Variants in DIO1 observed in about 807,000 individuals in gnomAD.
DIO1 encodes iodothyronine deiodinase 1, also known as type I iodothyronine deiodinase.
A neutral mutation model predicts 25.9 loss-of-function variants in DIO1; 17 were observed. That is an observed-to-expected ratio of 0.66 (90% confidence interval 0.45 to 0.98). The LOEUF (loss-of-function observed/expected upper bound fraction) is 0.98, where lower values mean the gene tolerates loss of function less well. Among genes scored for constraint, DIO1 ranks in the 50% least tolerant of loss-of-function variants. DIO1 has a pLI of 0.00. For missense variants in DIO1, 270 were observed against 310.4 expected (o/e 0.87, Z 0.98); for synonymous variants, 115 against 114.0 (o/e 1.01, Z -0.05).
At position 53,894,985 on chromosome 1, in the gene DIO1, G is replaced by T. The variant is rs1421391005; in HGVS notation, c.337+438G>T. 1.3e-5 allele frequency among the ~76,000 whole-genome samples: 2 copies of T among 152,156 alleles called. No homozygotes were observed. Among genetic ancestry groups the T allele is most frequent in the African/African-American group, 4.8e-5 (2 of 41,434 alleles). The stretch of plus-strand genomic sequence containing the variant: ...ACTTTTCTTTATTACACCTGTCGCG[G>T]TTTGTAATTATGTACGGCTGGCTAG... On this transcript the variant is annotated intron_variant, in intron 1 of 3. Coordinates refer to ENST00000361921, the MANE Select transcript of DIO1 (RefSeq NM_000792.7). This position sits in a 1 kb window ranked among gnomAD's most constrained non-coding sequence, Gnocchi z 4.9.
rs554046743 is a variant in DIO1, at chr1:53,906,662, CT to C, written c.681+380del. 7.2e-3 allele frequency among the ~76,000 whole-genome samples: 1,040 copies of C among 144,142 alleles called. 9 individuals carry two copies. The highest frequency in any genetic ancestry group is 0.022 in the African/African-American group (853 of 38,732). 94.6% of individuals were successfully genotyped at this position (144,142 alleles called of 152,430 possible). A position where few individuals can be genotyped will look rare whatever the true frequency, so the allele number is the denominator to read the frequency against. ...CTCTGTTTTTTGGGTTTCTTTCTTT[CT>C]TTTTTTTTTTTGAGACAGACTCTCA... On this transcript the variant is annotated intron_variant, in intron 3 of 3. Transcript: ENST00000361921.
At position 53,894,596 on chromosome 1, in the gene DIO1, G is replaced by C. The variant is rs374748978; in HGVS notation, c.337+49G>C. The C allele has an allele frequency of 2.3e-5, 35 of 1,525,728 alleles. No homozygotes were observed. The highest frequency in any genetic ancestry group is 2.9e-5 in the Non-Finnish European group (33 of 1,125,720). 94.5% of individuals were successfully genotyped at this position (1,525,728 alleles called of 1,614,324 possible). A position where few individuals can be genotyped will look rare whatever the true frequency, so the allele number is the denominator to read the frequency against. Reference sequence around the variant, plus strand: ...AGGGGTGCTTGAAATAGCAGTGGTAGAGGGGGATGAAGAGATGGGTTGGAA... The same window carrying C: ...AGGGGTGCTTGAAATAGCAGTGGTACAGGGGGATGAAGAGATGGGTTGGAA... On this transcript the variant is annotated intron_variant, in intron 1 of 3. Coordinates refer to ENST00000361921, the MANE Select transcript of DIO1 (RefSeq NM_000792.7). The surrounding 1 kb of genome is among the most constrained non-coding windows in gnomAD (Gnocchi z 4.9).
chr1:53,908,499 C>A (rs1249865905), intron 3 of DIO1, among the ~76,000 whole-genome samples: 1 of 152,176 alleles, frequency 6.6e-6, no homozygotes, highest in Non-Finnish European at 1.5e-5. Context: ...TCAGGACTAA[C>A]CTGGCTCTCA....
At chr1:53,902,377 G>A (rs1371679968) in intron 1 of DIO1, among the ~76,000 whole-genome samples, 1 of 151,816 alleles carries the variant, frequency 6.6e-6, no homozygotes, top group Admixed American at 6.6e-5. Flanking sequence ...ACTTCAAACT[G>A]CACACAGCCA....
At position 53,905,830 on chromosome 1, in the gene DIO1, T is replaced by C. The variant is rs137862553; in HGVS notation, c.482-265T>C. Among the ~76,000 whole-genome samples the C allele has an allele frequency of 7.9e-4, 121 of 152,362 alleles. 1 individual carries two copies. Among genetic ancestry groups the C allele is most frequent in the African/African-American group, 2.8e-3 (115 of 41,584 alleles). On this transcript the variant is annotated intron_variant, in intron 2 of 3. Coordinates refer to ENST00000361921, the MANE Select transcript of DIO1 (RefSeq NM_000792.7). ...TATAACAAGGTCCCCAAATGATTCATGCACATTCAAGATCAAGGAGTGCTG... is the reference window on the plus strand; with the variant it reads ...TATAACAAGGTCCCCAAATGATTCACGCACATTCAAGATCAAGGAGTGCTG...
intron 1 of DIO1, among the ~76,000 whole-genome samples, chr1:53,900,711 G>A (rs1651313891): frequency 6.6e-6 from 1 of 152,150 alleles, no homozygotes. Flanking sequence ...TAAACCACAT[G>A]TAAGTTAAGA....
At chr1:53,897,897 G>A (rs1289875538) in intron 1 of DIO1, among the ~76,000 whole-genome samples, 1 of 152,142 alleles carries the variant, frequency 6.6e-6, no homozygotes, top group Non-Finnish European at 1.5e-5. Context: ...AATGGTAAGA[G>A]GAGGGGACTG....
In DIO1 at chr1:53,910,145, C is replaced by T. The variant is rs1569749057; in HGVS notation, c.*146C>T. 1 of 684,678 alleles carries T rather than the reference C, an allele frequency of 1.5e-6. No homozygotes were observed. Among genetic ancestry groups the T allele is most frequent in the Non-Finnish European group, 2.6e-6 (1 of 384,430 alleles). The allele number at this position is 684,678 out of a possible 1,614,324, so 42.4% of individuals were successfully genotyped here. Reference sequence around the variant, plus strand: ...TTTTTCTGATCTAAGCAAACAACTCCCAGCTGAGGAATGCAGGCCACAGCA... The same window carrying T: ...TTTTTCTGATCTAAGCAAACAACTCTCAGCTGAGGAATGCAGGCCACAGCA... On this transcript the variant is annotated 3_prime_UTR_variant, in exon 4 of 4. Coordinates refer to ENST00000361921, the MANE Select transcript of DIO1 (RefSeq NM_000792.7).
chr1:53,896,778 G>A (rs1291420865), intron 1 of DIO1, among the ~76,000 whole-genome samples: 1 of 152,152 alleles, frequency 6.6e-6, no homozygotes, highest in Non-Finnish European at 1.5e-5. Context: ...CTTTTGCCTG[G>A]AGGACTTGGA....
chr1:53,899,438 G>T (rs1427226551), intron 1 of DIO1, among the ~76,000 whole-genome samples: 1 of 152,162 alleles, frequency 6.6e-6, no homozygotes, highest in African/African-American at 2.4e-5. Flanking sequence ...CATGGGCAGG[G>T]TGCCAGCCCC....
Position 53,904,751 on chromosome 1 carries a change from A to C in DIO1, c.423A>C (p.Glu141Asp), listed in dbSNP as rs763387241. Residue 141 changes from glutamate to aspartate, a missense_variant, in exon 2 of 4, where the codon GAA becomes GAC. Glu to Asp is a conservative substitution (Grantham distance 45). Transcript: ENST00000361921. The stretch of plus-strand genomic sequence containing the variant: ...TTGACCAGTTCAAGAGGCTTATTGA[A>C]GACTTTAGTTCCATAGCAGATTTTC... ...FKFDQFKRLI[E>D]DFSSIADFLV... The C allele has an allele frequency of 1.1e-5, 17 of 1,613,844 alleles. No individual in the cohort carries two copies. The highest frequency in any genetic ancestry group is 1.4e-5 in the Non-Finnish European group (16 of 1,179,886).
At chr1:53,897,540 G>A (rs1332046354) in intron 1 of DIO1, among the ~76,000 whole-genome samples, 2 of 152,148 alleles carry the variant, frequency 1.3e-5, no homozygotes, top group Admixed American at 6.5e-5. Flanking sequence ...GCTCCCTGCT[G>A]CTGCAGCTGA....
intron 1 of DIO1, among the ~76,000 whole-genome samples, chr1:53,904,313 A>T (rs927361260): frequency 1.1e-4 from 16 of 152,096 alleles, no homozygotes; most frequent in South Asian, 2.1e-4. Flanking sequence ...AATGGGGGGA[A>T]AAAATGACCA....
intron 3 of DIO1, among the ~76,000 whole-genome samples, chr1:53,909,621 G>A (rs1651848161): frequency 6.6e-6 from 1 of 152,142 alleles, no homozygotes; most frequent in Non-Finnish European, 1.5e-5. Context: ...GAGAAGATTA[G>A]GCCAGTCTGA....
chr1:53,900,982 CTT>C (rs71063891), intron 1 of DIO1, among the ~76,000 whole-genome samples: 129 of 72,052 alleles, frequency 1.8e-3, no homozygotes, highest in African/African-American at 6.9e-3. Flanking sequence ...GGCCAGCTAA[CTT>C]TTTTTTTTTT....
chr1:53,903,475 C>G (rs1022214309), intron 1 of DIO1, among the ~76,000 whole-genome samples: 1 of 151,664 alleles, frequency 6.6e-6, no homozygotes, highest in South Asian at 2.1e-4. Context: ...CTATGAATAC[C>G]CCAGGGGAGT....
Position 53,894,502 on chromosome 1 carries a change from G to T in DIO1, c.292G>T (p.Val98Phe), listed in dbSNP as rs760718092. The stretch of plus-strand genomic sequence containing the variant: ...GGGTCTGGCCCCAAACTGCCCGGTG[G>T]TCCGCCTCTCAGGACAGAGGTGCAA... ...LGGLAPNCPV[V>F]RLSGQRCNIW... Residue 98 changes from valine to phenylalanine, a missense_variant, in exon 1 of 4, where the codon GTC becomes TTC. By Grantham distance (50) the Val-to-Phe change is conservative. Coordinates refer to ENST00000361921, the MANE Select transcript of DIO1 (RefSeq NM_000792.7). The surrounding 1 kb of genome is among the most constrained non-coding windows in gnomAD (Gnocchi z 4.9). 6 of 1,614,186 alleles carry T rather than the reference G, an allele frequency of 3.7e-6. No homozygotes were observed. The highest frequency in any genetic ancestry group is 1.3e-5 in the African/African-American group (1 of 75,044).
intron 1 of DIO1, among the ~76,000 whole-genome samples, chr1:53,895,080 T>C (rs1307101583): frequency 6.6e-6 from 1 of 152,184 alleles, no homozygotes; most frequent in Non-Finnish European, 1.5e-5. Context: ...TCACCCACTA[T>C]TACACCCATG....
At chr1:53,909,021 G>C (rs547154114) in intron 3 of DIO1, among the ~76,000 whole-genome samples, 4 of 152,056 alleles carry the variant, frequency 2.6e-5, no homozygotes, top group African/African-American at 9.6e-5. Flanking sequence ...TTGAACCTGG[G>C]AGGCGGAGGT....
Sources: allele counts gnomAD v4.1 joint callset (sites outside exome capture counted in the v4.1 genomes callset), GRCh38; gene constraint gnomAD v4.1.1; non-coding constraint Gnocchi (gnomAD v3.1); transcripts MANE v1.5; gene names NCBI Gene and HGNC (gene_info 2026-07-23, HGNC 2026-07-21).